PDK1: variants seen among roughly 807,000 people sequenced by gnomAD.
PDK1 encodes pyruvate dehydrogenase kinase 1, also known as [Pyruvate dehydrogenase (acetyl-transferring)] kinase isozyme 1, mitochondrial.
In PDK1, 39 loss-of-function variants were observed where a neutral mutation model predicts 54.2. That is an observed-to-expected ratio of 0.72 (90% CI 0.56 to 0.94). The LOEUF is 0.94. Among genes scored for constraint, PDK1 ranks in the 40% least tolerant of loss-of-function variants. The probability of loss-of-function intolerance (pLI) is 0.00; values close to 1 mark genes in which losing one functional copy is unlikely to be tolerated. For synonymous variants in PDK1, 221 were observed against 207.1 expected (o/e 1.07, Z -0.58); for missense variants, 552 against 566.0 (o/e 0.98, Z 0.25).
At chr2:172,673,444 C>T in the PDK1 span, among the ~76,000 whole-genome samples, 1 of 152,186 alleles carries the variant, frequency 6.6e-6, no homozygotes, top group Non-Finnish European at 1.5e-5. Flanking sequence ...GATCACTAGG[C>T]TCAGGTTTTT....
At chr2:172,706,491 C>T in the PDK1 span, among the ~76,000 whole-genome samples, 5 of 151,384 alleles carry the variant, frequency 3.3e-5, no homozygotes, top group African/African-American at 1.2e-4. Flanking sequence ...GTGGCACAAT[C>T]TCGGCTCACT....
downstream of PDK1, among the ~76,000 whole-genome samples, chr2:172,609,155 C>G (rs1400137257): frequency 6.6e-6 from 1 of 152,140 alleles, no homozygotes; most frequent in African/African-American, 2.4e-5. Context: ...GATTCCAATT[C>G]AAAGAGAAAG....
intron 8 of PDK1, 116 bp from the exon 9 acceptor site, chr2:172,586,158 CAAAA>C (rs373332447): frequency 3.9e-3 from 1,379 of 349,346 alleles, no homozygotes; most frequent in East Asian, 4.9e-3. Context: ...GACTCTGTCT[CAAAA>C]AAAAAAAAAA....
At chr2:172,664,127 C>T in the PDK1 span, among the ~76,000 whole-genome samples, 1 of 151,512 alleles carries the variant, frequency 6.6e-6, no homozygotes, top group African/African-American at 2.4e-5. Flanking sequence ...GCCTGGCCAA[C>T]ATGGAGAAAC....
In PDK1 at chr2:172,601,852, T is replaced by A. The variant is rs990116028; in HGVS notation, c.*5883T>A. 3 of 152,192 alleles carry A rather than the reference T, an allele frequency of 2.0e-5. No individual in the cohort carries two copies. Among genetic ancestry groups the A allele is most frequent in the Middle Eastern group, 3.4e-3 (1 of 294 alleles). The allele number at this position is 152,192 out of a possible 1,614,324, so 9.4% of individuals were successfully genotyped here. On this transcript the variant is annotated 3_prime_UTR_variant, in exon 11 of 11. Coordinates refer to ENST00000282077, the MANE Select transcript of PDK1 (RefSeq NM_002610.5). ...AATAAACAGTATTTAGATTTTTTTTTAAAGGACATAACTACCAATAGAGAT... is the reference window on the plus strand; with the variant it reads ...AATAAACAGTATTTAGATTTTTTTTAAAAGGACATAACTACCAATAGAGAT...
chr2:172,668,938 GAAAGAGA>G, the PDK1 span, among the ~76,000 whole-genome samples: 1 of 128,092 alleles, frequency 7.8e-6, no homozygotes, highest in East Asian at 2.2e-4. Context: ...GAGAGAGAGA[GAAAGAGA>G]GAGAGACGGA....
chr2:172,654,514 A>G, the PDK1 span, among the ~76,000 whole-genome samples: 1 of 152,088 alleles, frequency 6.6e-6, no homozygotes, highest in South Asian at 2.1e-4. Context: ...GCAAGGACAG[A>G]AAACCAAACA....
the PDK1 span, among the ~76,000 whole-genome samples, chr2:172,658,408 C>G: frequency 8.5e-5 from 13 of 152,158 alleles, no homozygotes; most frequent in Non-Finnish European, 2.9e-5. Context: ...ACCTCAGGAT[C>G]ACTGTGATGA....
At chr2:172,633,381 CTTTTTTTTTT>C in the PDK1 span, among the ~76,000 whole-genome samples, 7 of 103,992 alleles carry the variant, frequency 6.7e-5, no homozygotes, top group Non-Finnish European at 1.1e-4. Flanking sequence ...GATTTTCTTT[CTTTTTTTTTT>C]TTTTTTTTTT....
the PDK1 span, among the ~76,000 whole-genome samples, chr2:172,688,766 A>C: frequency 1.4e-5 from 2 of 140,840 alleles, no homozygotes; most frequent in Non-Finnish European, 3.1e-5. Flanking sequence ...GGCTGAGTGC[A>C]ACCCAGAGTA....
At chr2:172,573,323 A>G (rs369278743) in intron 8 of PDK1, among the ~76,000 whole-genome samples, 1 of 152,052 alleles carries the variant, frequency 6.6e-6, no homozygotes, top group South Asian at 2.1e-4. Context: ...TTTTATTTGC[A>G]TTTGTCTAAT....
At chr2:172,646,968 C>G in the PDK1 span, among the ~76,000 whole-genome samples, 1 of 151,962 alleles carries the variant, frequency 6.6e-6, no homozygotes, top group African/African-American at 2.4e-5. Flanking sequence ...AACTCCTGAC[C>G]TCAGGTGATC....
the PDK1 span, among the ~76,000 whole-genome samples, chr2:172,680,560 G>A: frequency 6.6e-6 from 1 of 151,988 alleles, no homozygotes; most frequent in African/African-American, 2.4e-5. Context: ...TAGAGACGGG[G>A]TCTAGCTATG....
chr2:172,653,581 C>T, the PDK1 span, among the ~76,000 whole-genome samples: 511 of 148,832 alleles, frequency 3.4e-3, 3 homozygotes, highest in African/African-American at 0.011. Flanking sequence ...CCTGCCTAGG[C>T]GACAAGAGCG....
the PDK1 span, among the ~76,000 whole-genome samples, chr2:172,679,445 T>G: frequency 6.6e-6 from 1 of 152,144 alleles, no homozygotes; most frequent in Admixed American, 6.5e-5. Context: ...AGACTCTGTC[T>G]CTTAACAACA....
rs1184954395 is a variant in PDK1, at chr2:172,597,654, G to A, written c.*1685G>A. On this transcript the variant is annotated 3_prime_UTR_variant, in exon 11 of 11. Transcript: ENST00000282077. ...TCAGAATTGGAGCAGAGCCTGAGAC[G>A]TATCTGCAGATCCTGTCATCAGCTG... 2.0e-5 allele frequency: 3 copies of A among 152,322 alleles called. No homozygotes were observed. The highest frequency in any genetic ancestry group is 1.9e-4 in the East Asian group (1 of 5,182). 9.4% of individuals were successfully genotyped at this position (152,322 alleles called of 1,614,324 possible).
the PDK1 span, among the ~76,000 whole-genome samples, chr2:172,692,305 T>C: frequency 1.3e-5 from 2 of 152,344 alleles, no homozygotes; most frequent in African/African-American, 4.8e-5. Flanking sequence ...ACTAAAAATT[T>C]TTTAAGGCTC....
chr2:172,592,455 TTC>T (rs778698828), intron 9 of PDK1, among the ~76,000 whole-genome samples: 1 of 151,792 alleles, frequency 6.6e-6, no homozygotes, highest in Non-Finnish European at 1.5e-5. Flanking sequence ...CTTTCTTTCT[TTC>T]TCTCTGACTC....
the PDK1 span, among the ~76,000 whole-genome samples, chr2:172,709,030 G>T: frequency 6.6e-6 from 1 of 151,216 alleles, no homozygotes; most frequent in Non-Finnish European, 1.5e-5. Flanking sequence ...GAGATTTGTT[G>T]TTTCTCTCTC....
Sources: gnomAD v4.1 joint callset for allele counts (sites outside exome capture counted in the v4.1 genomes callset) on GRCh38, gnomAD v4.1.1 for gene constraint, MANE v1.5 for transcripts, NCBI Gene and HGNC (gene_info 2026-07-23, HGNC 2026-07-21) for gene names.